EIF3B: variants seen among roughly 807,000 people sequenced by gnomAD.
EIF3B encodes eukaryotic translation initiation factor 3 subunit 9.
Under a neutral mutation model 104.6 loss-of-function variants are expected in EIF3B, and 10 were observed. That is an observed-to-expected ratio of 0.10 (90% CI 0.06 to 0.16). The LOEUF is 0.16. EIF3B is among the 10% of genes least tolerant of loss of function. The pLI is 1.00. For synonymous variants in EIF3B, 542 were observed against 417.2 expected, an observed-to-expected ratio of 1.30 and a Z score of -3.65; for missense variants, 1,014 against 1,087.9, an observed-to-expected ratio of 0.93 and a Z score of 0.96.
At position 2,369,634 on chromosome 7, in the gene EIF3B, C is replaced by A; in HGVS notation, c.1566C>A (p.Asn522Lys). 2 of 1,614,084 alleles carry A rather than the reference C, an allele frequency of 1.2e-6. No individual in the cohort carries two copies. The highest frequency in any genetic ancestry group is 1.7e-6 in the Non-Finnish European group (2 of 1,180,026). The change falls in exon 10 of 19, where the codon AAC (asparagine) becomes AAA (lysine). Residue 522 changes from asparagine to lysine, a missense_variant. By Grantham distance (94) the Asn-to-Lys change is moderately conservative. This residue lies in a region of EIF3B where 59 missense variants were observed against 118.8 expected (regional missense o/e 0.50). Coordinates refer to ENST00000360876, the MANE Select transcript of EIF3B (RefSeq NM_001037283.2). ...VVDCKLHWQK[N>K]GDYLCVKVDR... ...ACTGCAAGCTCCATTGGCAGAAGAA[C>A]GGAGACTACTTGTGTGTGAAAGTAG...
At position 2,354,960 on chromosome 7, in the gene EIF3B, C is replaced by T. The variant is rs896734031; in HGVS notation, c.39C>T (p.Ala13=). 9.0e-6 allele frequency: 11 copies of T among 1,215,960 alleles called. No homozygotes were observed. The African/African-American group carries it at 1.6e-4, about 18-fold the overall frequency. The allele number at this position is 1,215,960 out of a possible 1,614,324, so 75.3% of individuals were successfully genotyped here. The part of the protein sequence containing the change: ...DAENVAVPEA[A]EERAEPGQQQ... ...AGAACGTGGCGGTGCCCGAGGCGGC[C>T]GAGGAGCGCGCCGAGCCCGGCCAGC... The change falls in exon 1 of 19, where the codon GCC becomes GCT. Residue 13 remains alanine (A), a synonymous_variant. Coordinates refer to ENST00000360876, the MANE Select transcript of EIF3B (RefSeq NM_001037283.2).
chr7:2,367,460 C>T (rs559231675), intron 9 of EIF3B, among the ~76,000 whole-genome samples: 112 of 152,208 alleles, frequency 7.4e-4, no homozygotes, highest in African/African-American at 2.2e-3. Context: ...GCTGTCTCTC[C>T]TTTAGCACTC....
chr7:2,363,042 G>T, intron 3 of EIF3B, 28 bp from the exon 4 acceptor site: 1 of 1,613,508 alleles, frequency 6.2e-7, no homozygotes, highest in South Asian at 1.1e-5. Flanking sequence ...TCAGGGCGTG[G>T]GGCTCAGCAG....
At chr7:2,375,139 GCTTA>G (rs1780563141) in intron 13 of EIF3B, 2 of 512,642 alleles carry the variant, frequency 3.9e-6, no homozygotes, top group Non-Finnish European at 7.0e-6. Flanking sequence ...ATTTTTGGAG[GCTTA>G]CTTAGCCTCA....
At chr7:2,363,793 C>T in intron 5 of EIF3B, 33 bp downstream of exon 5, 2 of 1,603,134 alleles carry the variant, frequency 1.2e-6, no homozygotes, top group South Asian at 1.1e-5. Flanking sequence ...GGCGGGGACT[C>T]ACCTCTCCTG....
chr7:2,366,191 C>T (rs557596487), intron 6 of EIF3B, 126 bp from the exon 7 acceptor site: 17 of 995,602 alleles, frequency 1.7e-5, no homozygotes, highest in Middle Eastern at 3.4e-4. Flanking sequence ...CTCTTGGGGC[C>T]GGGCAGTGTG....
At position 2,380,724 on chromosome 7, in the gene EIF3B, A is replaced by T. The variant is rs1780964646; in HGVS notation, c.*535A>T. The T allele has an allele frequency of 5.4e-6, 1 of 186,754 alleles. No individual in the cohort carries two copies. The highest frequency in any genetic ancestry group is 2.4e-5 in the African/African-American group (1 of 42,076). 11.6% of individuals were successfully genotyped at this position (186,754 alleles called of 1,614,324 possible). On this transcript the variant is annotated 3_prime_UTR_variant, in exon 19 of 19. Transcript: ENST00000360876. ...TTCTCCGCAGGTTGAACATGGAAAT[A>T]AAAGCAAACTTGTATGAAAAACCGG...
chr7:2,375,228 GGTAAGTCT>G (rs1310277453), intron 13 of EIF3B, 153 bp from the exon 14 acceptor site: 1 of 744,610 alleles, frequency 1.3e-6, no homozygotes, highest in Non-Finnish European at 2.3e-6. Flanking sequence ...TCTGTGATTT[GGTAAGTCT>G]CACAGCGGCC....
chr7:2,365,832 C>T (rs1220588327), intron 6 of EIF3B, among the ~76,000 whole-genome samples: 2 of 151,990 alleles, frequency 1.3e-5, no homozygotes, highest in African/African-American at 4.8e-5. Context: ...CCTGCCACCA[C>T]GCCCGGCTAA....
At chr7:2,380,136 C>T (rs1483625549) in intron 18 of EIF3B, 68 bp from the exon 19 acceptor site, 8 of 328,430 alleles carry the variant, frequency 2.4e-5, no homozygotes, top group South Asian at 6.9e-5. Flanking sequence ...AGCCCCAAGG[C>T]GATGTTCAGG....
intron 15 of EIF3B, chr7:2,378,071 G>GA: frequency 2.6e-5 from 1 of 38,996 alleles, no homozygotes; most frequent in Non-Finnish European, 4.1e-5. Context: ...GCGCTCCTGG[G>GA]ATGCTGTGTT....
In EIF3B at chr7:2,378,696, A is replaced by G; in HGVS notation, c.2162A>G (p.Lys721Arg). 1 of 1,613,918 alleles carries G rather than the reference A, an allele frequency of 6.2e-7. No individual in the cohort carries two copies. Among genetic ancestry groups the G allele is most frequent in the South Asian group, 1.1e-5 (1 of 91,084 alleles). The change falls in exon 16 of 19, where the codon AAA becomes AGA. Residue 721 changes from lysine (K) to arginine (R), a missense_variant. Physicochemically the swap from Lys to Arg is conservative, Grantham distance 26 (BLOSUM62 2). Around this residue, in one of 4 missense-constraint regions of EIF3B, gnomAD observed 266 missense variants for 324.0 expected, o/e 0.82. Transcript: ENST00000360876. ...ATGGGTCTTTTGTTTCAGCAAATTA[A>G]AAAGGATCTGAAGAAATACTCTAAG... ...LLSQEQIKQI[K>R]KDLKKYSKIF...
rs184289390 is a variant in EIF3B, at chr7:2,362,631, C to T, written c.693-14C>T. 116 of 1,614,096 alleles carry T rather than the reference C, an allele frequency of 7.2e-5. 1 individual carries two copies. Among genetic ancestry groups the T allele is most frequent in the Middle Eastern group, 5.0e-4 (3 of 6,022 alleles). On this transcript the variant is annotated splice_polypyrimidine_tract_variant and intron_variant, in intron 2 of 18. Coordinates refer to ENST00000360876, the MANE Select transcript of EIF3B (RefSeq NM_001037283.2). ...TACAGTGTGGGTATGTGCCAACGGC[C>T]CTCTCTCACTCAGGTATATTTTCCT...
intron 4 of EIF3B, 150 bp downstream of exon 4, chr7:2,363,277 A>AC: frequency 2.8e-6 from 2 of 725,918 alleles, no homozygotes; most frequent in Admixed American, 2.3e-5. Flanking sequence ...ACAAAGTGAG[A>AC]CCCCCGCCTC....
chr7:2,377,211 G>A, intron 15 of EIF3B, 136 bp downstream of exon 15: 2 of 1,218,302 alleles, frequency 1.6e-6, no homozygotes, highest in Non-Finnish European at 2.2e-6. Flanking sequence ...TCTTTGAAGA[G>A]ACGCAGGAAC....
chr7:2,367,156 G>C, intron 9 of EIF3B, 111 bp downstream of exon 9: 1 of 1,061,404 alleles, frequency 9.4e-7, no homozygotes, highest in Non-Finnish European at 1.4e-6. Flanking sequence ...TGACAGCTGA[G>C]ATTTCTTTCT....
chr7:2,378,915 G>A (rs368227715), intron 16 of EIF3B, 149 bp downstream of exon 16: 8 of 807,868 alleles, frequency 9.9e-6, no homozygotes, highest in South Asian at 6.8e-5. Flanking sequence ...ATGCACTGGG[G>A]AACTGGGGTT....
At chr7:2,374,674 G>T (rs1056900852) in intron 13 of EIF3B, 68 bp downstream of exon 13, 1 of 1,437,038 alleles carries the variant, frequency 7.0e-7, no homozygotes, top group Non-Finnish European at 9.7e-7. Flanking sequence ...GACCCCTCAG[G>T]CGCCTGCACC....
chr7:2,361,593 G>C (rs564196585), intron 2 of EIF3B, among the ~76,000 whole-genome samples: 16 of 151,024 alleles, frequency 1.1e-4, no homozygotes, highest in African/African-American at 3.7e-4. Context: ...CTAATTTTTT[G>C]TATTTTTAGT....
Sources: allele counts gnomAD v4.1 joint callset (sites outside exome capture counted in the v4.1 genomes callset), GRCh38; gene constraint gnomAD v4.1.1; regional missense constraint gnomAD v4.1.1; transcripts MANE v1.5; gene names NCBI Gene and HGNC (gene_info 2026-07-23, HGNC 2026-07-21).